KCNMB4: variants seen among roughly 807,000 people sequenced by gnomAD.
The protein encoded by KCNMB4 is calcium-activated potassium channel subunit beta-4.
In KCNMB4, 3 loss-of-function variants were observed where a neutral mutation model predicts 20.7. The observed-to-expected ratio is 0.14, with a 90% CI of 0.07 to 0.37. The LOEUF is 0.37. KCNMB4 is among the 10% of genes least tolerant of loss of function. The probability of loss-of-function intolerance (pLI) is 1.00; values close to 1 mark genes in which losing one functional copy is unlikely to be tolerated. For missense variants in KCNMB4, 168 were observed against 265.9 expected, an observed-to-expected ratio of 0.63 and a Z score of 2.56; for synonymous variants, 110 against 113.4, an observed-to-expected ratio of 0.97 and a Z score of 0.19.
chr12:70,415,090 G>C (rs1283359836), intron 2 of KCNMB4, among the ~76,000 whole-genome samples: 3 of 152,162 alleles, frequency 2.0e-5, no homozygotes, highest in African/African-American at 7.2e-5. Flanking sequence ...CTCTGTACCA[G>C]AAACTATTTA....
intron 2 of KCNMB4, among the ~76,000 whole-genome samples, chr12:70,413,531 G>A (rs996553471): frequency 2.0e-5 from 3 of 152,052 alleles, no homozygotes; most frequent in Admixed American, 6.6e-5. Flanking sequence ...TTGACCTTGG[G>A]CTACTTATCA....
At chr12:70,422,313 G>A (rs1188188002) in intron 2 of KCNMB4, among the ~76,000 whole-genome samples, 3 of 152,290 alleles carry the variant, frequency 2.0e-5, no homozygotes, top group East Asian at 3.9e-4. Context: ...CTGAAGAACA[G>A]CAATTCTTAA....
In KCNMB4 at chr12:70,366,688, GC is replaced by G; in HGVS notation, c.-46del. On this transcript the variant is annotated 5_prime_UTR_variant, in exon 1 of 3. Transcript: ENST00000258111. ...GAGGCAGTCGGGCTCGGCGCCGGGG[GC>G]GGGAGGGGGCGGGGGGAGCACGCCA... 7.2e-7 allele frequency: 1 copy of G among 1,383,748 alleles called. No homozygotes were observed. Among genetic ancestry groups the G allele is most frequent in the Non-Finnish European group, 9.4e-7 (1 of 1,060,314 alleles). 85.7% of individuals were successfully genotyped at this position (1,383,748 alleles called of 1,614,324 possible).
At chr12:70,386,576 C>T (rs571926382) in intron 1 of KCNMB4, among the ~76,000 whole-genome samples, 1 of 148,028 alleles carries the variant, frequency 6.8e-6, no homozygotes, top group African/African-American at 2.5e-5. Flanking sequence ...TAATTGTAGC[C>T]TTTTTGTTTG....
At chr12:70,428,922 A>G (rs1231737255) in intron 2 of KCNMB4, among the ~76,000 whole-genome samples, 3 of 152,238 alleles carry the variant, frequency 2.0e-5, no homozygotes, top group Non-Finnish European at 4.4e-5. Flanking sequence ...CGTTTACTTA[A>G]TATAAATTTT....
intron 2 of KCNMB4, among the ~76,000 whole-genome samples, chr12:70,429,030 T>C (rs973916352): frequency 6.6e-6 from 1 of 152,240 alleles, no homozygotes; most frequent in African/African-American, 2.4e-5. Flanking sequence ...GCAAGGATTT[T>C]GTAATTTCAA....
intron 2 of KCNMB4, chr12:70,422,604 T>C (rs1869095198): frequency 1.2e-6 from 1 of 828,540 alleles, no homozygotes; most frequent in Non-Finnish European, 1.7e-6. Flanking sequence ...GATTTCTAAT[T>C]AATAAAGCCT....
Position 70,432,200 on chromosome 12 carries a change from T to A in KCNMB4, c.*1547T>A, listed in dbSNP as rs1469193385. ...ACGCACCACCACGCCTGGCTAATTT[T>A]TTTGTATTTTTAGTAGAGACGGGGT... On this transcript the variant is annotated 3_prime_UTR_variant, in exon 3 of 3. Coordinates refer to ENST00000258111, the MANE Select transcript of KCNMB4 (RefSeq NM_014505.6). The A allele has an allele frequency of 6.6e-6, 1 of 152,004 alleles. No individual in the cohort carries two copies. The highest frequency in any genetic ancestry group is 1.5e-5 in the Non-Finnish European group (1 of 68,152). The allele number at this position is 152,004 out of a possible 1,614,324, so 9.4% of individuals were successfully genotyped here. A position where few individuals can be genotyped will look rare whatever the true frequency, so the allele number is the denominator to read the frequency against.
intron 2 of KCNMB4, among the ~76,000 whole-genome samples, chr12:70,419,295 T>C (rs757385090): frequency 1.3e-5 from 2 of 152,214 alleles, no homozygotes; most frequent in Non-Finnish European, 2.9e-5. Context: ...GGAAACAAAA[T>C]GGCTCACCCT....
chr12:70,419,761 G>A (rs1459066901), intron 2 of KCNMB4, among the ~76,000 whole-genome samples: 1 of 152,164 alleles, frequency 6.6e-6, no homozygotes, highest in Non-Finnish European at 1.5e-5. Flanking sequence ...TATCAAAGAT[G>A]TATTACAAAG....
chr12:70,417,490 G>T (rs1868941704), intron 2 of KCNMB4, among the ~76,000 whole-genome samples: 1 of 152,130 alleles, frequency 6.6e-6, no homozygotes, highest in African/African-American at 2.4e-5. Context: ...GATAGAGATC[G>T]ATTAAAAGAT....
chr12:70,369,801 T>G (rs745369075), intron 1 of KCNMB4, among the ~76,000 whole-genome samples: 41 of 152,354 alleles, frequency 2.7e-4, no homozygotes, highest in Middle Eastern at 3.4e-3. Context: ...TATTTGTATT[T>G]TGAATCATAT....
intron 1 of KCNMB4, among the ~76,000 whole-genome samples, chr12:70,375,515 C>A (rs1883670168): frequency 6.6e-6 from 1 of 151,574 alleles, no homozygotes; most frequent in South Asian, 2.1e-4. Flanking sequence ...TGATGACATA[C>A]ACTGGTAGTC....
intron 2 of KCNMB4, 123 bp from the exon 3 acceptor site, chr12:70,430,362 C>T (rs1213916446): frequency 4.0e-6 from 4 of 994,948 alleles, no homozygotes; most frequent in Non-Finnish European, 6.1e-6. Context: ...TGTTTATAGT[C>T]AGAGTGCAGC....
At chr12:70,390,611 T>C (rs1295005684) in intron 1 of KCNMB4, among the ~76,000 whole-genome samples, 1 of 152,240 alleles carries the variant, frequency 6.6e-6, no homozygotes, top group Non-Finnish European at 1.5e-5. Context: ...AGCTTCCTGC[T>C]CTGTAGCCTT....
intron 2 of KCNMB4, among the ~76,000 whole-genome samples, chr12:70,424,300 G>C (rs1869149429): frequency 2.6e-5 from 4 of 152,278 alleles, no homozygotes; most frequent in Admixed American, 2.0e-4. Flanking sequence ...AATGTCTTCA[G>C]CTTAAGATAA....
chr12:70,400,357 G>A (rs1868418174), intron 2 of KCNMB4, 21 bp downstream of exon 2: 2 of 1,596,170 alleles, frequency 1.3e-6, no homozygotes, highest in Non-Finnish European at 1.7e-6. Flanking sequence ...ATTTGCATGT[G>A]CGTGTTAAAA....
chr12:70,433,182 G>T lies in KCNMB4; in HGVS notation c.*2529G>T, dbSNP rs1450241212. The T allele has an allele frequency of 6.6e-6, 1 of 152,020 alleles. No homozygotes were observed. The highest frequency in any genetic ancestry group is 1.9e-4 in the East Asian group (1 of 5,162). The allele number at this position is 152,020 out of a possible 1,614,324, so 9.4% of individuals were successfully genotyped here. On this transcript the variant is annotated 3_prime_UTR_variant, in exon 3 of 3. Coordinates refer to ENST00000258111, the MANE Select transcript of KCNMB4 (RefSeq NM_014505.6). The stretch of plus-strand genomic sequence containing the variant: ...AGAGGACATTTTAAGGTCATAAAAG[G>T]TAAATAAGCTTACCTTCTTAATGTT...
At chr12:70,371,179 GT>G (rs978787947) in intron 1 of KCNMB4, among the ~76,000 whole-genome samples, 49 of 151,624 alleles carry the variant, frequency 3.2e-4, no homozygotes, top group African/African-American at 1.1e-3. Context: ...TTTATTTTGA[GT>G]TTTTTTTTCC....
Sources: gnomAD v4.1 joint callset for allele counts (sites outside exome capture counted in the v4.1 genomes callset) on GRCh38, gnomAD v4.1.1 for gene constraint, MANE v1.5 for transcripts, NCBI Gene and HGNC (gene_info 2026-07-23, HGNC 2026-07-21) for gene names.